The following CERS6 variants were observed in gnomAD, a reference collection of about 807,000 sequenced individuals.
CERS6 encodes the protein ceramide synthase 6.
A neutral mutation model predicts 56.8 loss-of-function variants in CERS6; 26 were observed. The observed-to-expected ratio is 0.46, with a 90% CI of 0.34 to 0.63. The LOEUF is 0.63. Ranked by LOEUF, CERS6 falls within the 30% of genes least tolerant of loss-of-function variation. CERS6 has a pLI of 0.01. For synonymous variants in CERS6, 164 were observed against 173.3 expected (o/e 0.95, Z 0.42); for missense variants, 415 against 467.5 (o/e 0.89, Z 1.04).
chr2:168,722,869 T>G (rs1419577104), intron 8 of CERS6, among the ~76,000 whole-genome samples: 1 of 152,172 alleles, frequency 6.6e-6, no homozygotes, highest in Non-Finnish European at 1.5e-5. Context: ...AACTGATCTC[T>G]CCACTGTTCC....
At chr2:168,482,698 C>T (rs868160070) in intron 1 of CERS6, among the ~76,000 whole-genome samples, 11 of 152,210 alleles carry the variant, frequency 7.2e-5, no homozygotes, top group Admixed American at 1.3e-4. Context: ...TGCAGTGGCA[C>T]GGAGCTGAAG....
intron 2 of CERS6, among the ~76,000 whole-genome samples, chr2:168,560,853 C>A (rs1005219028): frequency 2.0e-5 from 3 of 152,108 alleles, no homozygotes; most frequent in Admixed American, 2.0e-4. Context: ...GGACTCCCTT[C>A]CTTTGAAGGC....
rs148633378 is a variant in CERS6 at position 168,736,236 on chromosome 2, T to G, written c.845+18258T>G. On this transcript the variant is annotated intron_variant, in intron 8 of 9. Transcript: ENST00000305747. ...AAGTAAATATGCACATGAAAGTATC[T>G]CAAGGTTTAAAGCACTGTATAGCAC... Among the ~76,000 whole-genome samples, 452 of 152,346 alleles carry G rather than the reference T, an allele frequency of 3.0e-3. 4 individuals are homozygous for G. The highest frequency in any genetic ancestry group is 9.2e-3 in the African/African-American group (384 of 41,596).
chr2:168,461,401 A>T (rs575287437), intron 1 of CERS6, among the ~76,000 whole-genome samples: 1 of 148,100 alleles, frequency 6.8e-6, no homozygotes, highest in South Asian at 2.2e-4. Flanking sequence ...CTGAGGCTGC[A>T]GTGAGCTGTG....
chr2:168,485,397 C>T lies in CERS6; in HGVS notation c.170+28779C>T, dbSNP rs569380548. ...ATAAGTATTCACTCTTTGTGTTGTA[C>T]GTTCCATGAGTTTTGCAAATGTATA... is the stretch of plus-strand genomic sequence containing the variant. On this transcript the variant is annotated intron_variant, in intron 1 of 9. Transcript: ENST00000305747. Among the ~76,000 whole-genome samples the T allele has an allele frequency of 1.6e-4, 24 of 152,110 alleles. 1 individual carries two copies. The South Asian group carries it at 4.8e-3, about 30-fold the overall frequency.
intron 4 of CERS6, among the ~76,000 whole-genome samples, chr2:168,679,195 G>A (rs947179086): frequency 1.2e-4 from 19 of 152,168 alleles, no homozygotes; most frequent in Non-Finnish European, 1.8e-4. Context: ...GTGGGGAGAC[G>A]TTTGTCAACA....
chr2:168,605,726 A>G (rs915496657), intron 3 of CERS6, among the ~76,000 whole-genome samples: 18 of 152,208 alleles, frequency 1.2e-4, no homozygotes, highest in Non-Finnish European at 2.9e-5. Context: ...GCCCAGGTAC[A>G]GCTTGAGATG....
intron 4 of CERS6, among the ~76,000 whole-genome samples, chr2:168,666,166 T>C (rs140635906): frequency 8.1e-4 from 124 of 152,328 alleles, no homozygotes; most frequent in Middle Eastern, 3.4e-3. Context: ...AACACTATTG[T>C]TGGCTAAAGT....
rs955711745 is a variant in CERS6, at chr2:168,772,416, T to C, written c.*2754T>C. 2.6e-5 allele frequency: 4 copies of C among 152,630 alleles called. No individual in the cohort carries two copies. The highest frequency in any genetic ancestry group is 5.9e-5 in the Non-Finnish European group (4 of 68,028). The allele number at this position is 152,630 out of a possible 1,614,324, so 9.5% of individuals were successfully genotyped here. A position where few individuals can be genotyped will look rare whatever the true frequency, so the allele number is the denominator to read the frequency against. ...GATATAAAAACATGTGTTCTATTTA[T>C]GTATATATATGTATGTTTCTCCAAA... On this transcript the variant is annotated 3_prime_UTR_variant, in exon 10 of 10. Coordinates refer to ENST00000305747, the MANE Select transcript of CERS6 (RefSeq NM_203463.3).
At chr2:168,593,593 C>CATAAT (rs1656485295) in intron 3 of CERS6, among the ~76,000 whole-genome samples, 1 of 152,118 alleles carries the variant, frequency 6.6e-6, no homozygotes, top group African/African-American at 2.4e-5. Flanking sequence ...TTTCTGTGCA[C>CATAAT]ATAATAGAAG....
At chr2:168,675,189 G>A (rs1255526514) in intron 4 of CERS6, among the ~76,000 whole-genome samples, 14 of 151,914 alleles carry the variant, frequency 9.2e-5, no homozygotes, top group African/African-American at 3.4e-4. Context: ...GGCTAAGATG[G>A]TCTCGATCTC....
intron 1 of CERS6, among the ~76,000 whole-genome samples, chr2:168,489,227 T>C (rs1356000070): frequency 6.6e-6 from 1 of 152,174 alleles, no homozygotes; most frequent in African/African-American, 2.4e-5. Flanking sequence ...GTTTTTCTAT[T>C]GATTTCTTGC....
At chr2:168,522,341 A>C (rs1314783835) in intron 1 of CERS6, among the ~76,000 whole-genome samples, 2 of 152,196 alleles carry the variant, frequency 1.3e-5, no homozygotes, top group African/African-American at 4.8e-5. Context: ...ACTATTGGCT[A>C]TTTTGTAATT....
At chr2:168,521,272 T>C (rs1451156786) in intron 1 of CERS6, among the ~76,000 whole-genome samples, 1 of 152,162 alleles carries the variant, frequency 6.6e-6, no homozygotes, top group Non-Finnish European at 1.5e-5. Context: ...AACGTTACAG[T>C]TTAATGCTCA....
rs372372722 is a variant in CERS6 at position 168,561,305 on chromosome 2, G to A, written c.390G>A (p.Thr130=). The A allele has an allele frequency of 2.3e-5, 37 of 1,613,980 alleles. No individual in the cohort carries two copies. The highest frequency in any genetic ancestry group is 3.0e-5 in the Non-Finnish European group (35 of 1,179,986). ...ATCAGGAGAAGCCAAGCACGCTGAC[G>A]AGGTTCTGTGAGAGCATGTAAGTTG... is the stretch of plus-strand genomic sequence containing the variant. The part of the protein sequence containing the change: ...RRNQEKPSTL[T]RFCESMWRFS... Residue 130 remains threonine (T), a synonymous_variant, in exon 3 of 10, where the codon ACG becomes ACA. Coordinates refer to ENST00000305747, the MANE Select transcript of CERS6 (RefSeq NM_203463.3).
chr2:168,490,735 G>A (rs937842051), intron 1 of CERS6, among the ~76,000 whole-genome samples: 74 of 151,980 alleles, frequency 4.9e-4, no homozygotes, highest in African/African-American at 1.7e-3. Flanking sequence ...GAGAGAGAGA[G>A]GCTCTACTGG....
chr2:168,465,929 G>C (rs1693863761), intron 1 of CERS6, among the ~76,000 whole-genome samples: 1 of 151,760 alleles, frequency 6.6e-6, no homozygotes, highest in African/African-American at 2.4e-5. Flanking sequence ...AGAAATTACT[G>C]CCTTCATTTT....
rs533814145 is a variant in CERS6, at chr2:168,713,791, A to G, written c.610-1210A>G. On this transcript the variant is annotated intron_variant, in intron 6 of 9. Transcript: ENST00000305747. ...AACATAAAACAATTTTTAAAAATTCAGAGCTTGTTTGTGTAGGTCCTATCA... is the reference window on the plus strand; with the variant it reads ...AACATAAAACAATTTTTAAAAATTCGGAGCTTGTTTGTGTAGGTCCTATCA... Among the ~76,000 whole-genome samples, 307 of 152,278 alleles carry G rather than the reference A, an allele frequency of 2.0e-3. 2 individuals are homozygous for G. The highest frequency in any genetic ancestry group is 2.8e-3 in the Non-Finnish European group (190 of 68,010).
At chr2:168,637,923 T>G (rs1684900084) in intron 4 of CERS6, among the ~76,000 whole-genome samples, 1 of 152,040 alleles carries the variant, frequency 6.6e-6, no homozygotes, top group Admixed American at 6.6e-5. Context: ...AATGTAGGAA[T>G]TGGAATGGAA....
Sources: gnomAD v4.1 joint callset for allele counts (sites outside exome capture counted in the v4.1 genomes callset) on GRCh38, gnomAD v4.1.1 for gene constraint, MANE v1.5 for transcripts, NCBI Gene and HGNC (gene_info 2026-07-23, HGNC 2026-07-21) for gene names.